The following PRKD1 variants were observed in gnomAD, a reference collection of about 807,000 sequenced individuals.
PRKD1 encodes protein kinase D1.
PRKD1 carries 63 observed loss-of-function variants against 95.9 expected under a neutral mutation model. The observed-to-expected ratio is 0.66, with a 90% CI of 0.54 to 0.81. The LOEUF (loss-of-function observed/expected upper bound fraction) is 0.81, where lower values mean the gene tolerates loss of function less well. Among genes scored for constraint, PRKD1 ranks in the 30% least tolerant of loss-of-function variants. PRKD1 has a pLI of 0.00. For missense variants in PRKD1, 1,048 were observed against 1,165.3 expected (o/e 0.90, Z 1.47); for synonymous variants, 425 against 423.1 (o/e 1.00, Z -0.05).
chr14:29,801,482 G>A (rs1021994412), intron 1 of PRKD1, among the ~76,000 whole-genome samples: 45 of 152,226 alleles, frequency 3.0e-4, no homozygotes, highest in South Asian at 2.1e-4. Context: ...TGAGGCAATC[G>A]CCTTGATCTT....
At chr14:29,717,207 G>C (rs1381443912) in intron 2 of PRKD1, among the ~76,000 whole-genome samples, 1 of 152,134 alleles carries the variant, frequency 6.6e-6, no homozygotes, top group Admixed American at 6.6e-5. Flanking sequence ...GATTGCATGT[G>C]ATATACCAGA....
chr14:29,926,126 G>C lies in PRKD1; in HGVS notation c.264+1123C>G, dbSNP rs45566240. Among the ~76,000 whole-genome samples, 873 of 152,204 alleles carry C rather than the reference G, an allele frequency of 5.7e-3. 5 individuals are homozygous for C. The highest frequency in any genetic ancestry group is 0.019 in the African/African-American group (786 of 41,532). ...TAGATCAGTGATTTTTTTCCACCTGGAGCTTTTAACATTCCTGTGCTCAGT... is the reference window on the plus strand; with the variant it reads ...TAGATCAGTGATTTTTTTCCACCTGCAGCTTTTAACATTCCTGTGCTCAGT... On this transcript the variant is annotated intron_variant, in intron 1 of 17. Coordinates refer to ENST00000331968, the MANE Select transcript of PRKD1 (RefSeq NM_002742.3).
At chr14:29,734,642 A>T (rs886454632) in intron 1 of PRKD1, among the ~76,000 whole-genome samples, 3 of 152,188 alleles carry the variant, frequency 2.0e-5, no homozygotes, top group Non-Finnish European at 1.5e-5. Flanking sequence ...AATGTCTCTC[A>T]GCCCTATGAG....
At chr14:29,725,834 T>C (rs1047609006) in intron 1 of PRKD1, among the ~76,000 whole-genome samples, 160 bp from the exon 2 acceptor site, 2 of 152,142 alleles carry the variant, frequency 1.3e-5, no homozygotes, top group Non-Finnish European at 2.9e-5. Context: ...GTAGAGTTGA[T>C]ATTGGGAAGA....
chr14:29,661,527 A>T (rs1162390199), intron 4 of PRKD1, among the ~76,000 whole-genome samples: 1 of 152,118 alleles, frequency 6.6e-6, no homozygotes, highest in Non-Finnish European at 1.5e-5. Flanking sequence ...TGAAGAAGCG[A>T]AGACATGAAA....
intron 1 of PRKD1, among the ~76,000 whole-genome samples, chr14:29,769,348 T>C (rs1039798781): frequency 6.6e-6 from 1 of 151,978 alleles, no homozygotes; most frequent in African/African-American, 2.4e-5. Flanking sequence ...GGGGGATGAC[T>C]GTTCAAGGCC....
intron 1 of PRKD1, among the ~76,000 whole-genome samples, chr14:29,736,340 C>T (rs987751880): frequency 4.6e-5 from 7 of 152,120 alleles, no homozygotes; most frequent in African/African-American, 9.7e-5. Flanking sequence ...TTAGCAAAAT[C>T]GTACTTTAAA....
intron 16 of PRKD1, among the ~76,000 whole-genome samples, chr14:29,585,390 C>A (rs1013537890): frequency 6.6e-6 from 1 of 152,136 alleles, no homozygotes; most frequent in African/African-American, 2.4e-5. Flanking sequence ...CTTTTCAGTT[C>A]TTTCCTCTGT....
At chr14:29,734,631 G>C (rs748774211) in intron 1 of PRKD1, among the ~76,000 whole-genome samples, 1 of 152,066 alleles carries the variant, frequency 6.6e-6, no homozygotes, top group African/African-American at 2.4e-5. Flanking sequence ...ATAGAAACTC[G>C]AATGTCTCTC....
intron 1 of PRKD1, among the ~76,000 whole-genome samples, chr14:29,845,819 T>C (rs1258062443): frequency 6.6e-6 from 1 of 152,156 alleles, no homozygotes; most frequent in African/African-American, 2.4e-5. Context: ...AGACTATGCA[T>C]CTATTATTAT....
At chr14:29,658,487 T>G (rs1330156033) in intron 4 of PRKD1, among the ~76,000 whole-genome samples, 1 of 152,144 alleles carries the variant, frequency 6.6e-6, no homozygotes, top group Non-Finnish European at 1.5e-5. Context: ...TTGACCAATT[T>G]TTTTTTTTCA....
intron 2 of PRKD1, among the ~76,000 whole-genome samples, chr14:29,705,262 A>C (rs1885026550): frequency 6.6e-6 from 1 of 152,114 alleles, no homozygotes. Context: ...GAACTTAAGC[A>C]ATTAAAATTA....
intron 16 of PRKD1, among the ~76,000 whole-genome samples, chr14:29,586,543 G>A (rs546051220): frequency 7.2e-5 from 11 of 152,232 alleles, no homozygotes; most frequent in African/African-American, 2.2e-4. Flanking sequence ...CAGTATGATC[G>A]TATTTCTTAT....
intron 1 of PRKD1, among the ~76,000 whole-genome samples, chr14:29,868,349 A>G (rs918300344): frequency 1.3e-5 from 2 of 152,222 alleles, no homozygotes; most frequent in Non-Finnish European, 2.9e-5. Context: ...CACTTTGCAT[A>G]GTTTAGTCCT....
intron 4 of PRKD1, chr14:29,656,387 T>C (rs1566518280): frequency 7.6e-7 from 1 of 1,311,760 alleles, no homozygotes. Flanking sequence ...ATAAAGTCAG[T>C]ACAGACAATT....
chr14:29,643,973 C>T (rs145365008), intron 4 of PRKD1, among the ~76,000 whole-genome samples: 11 of 152,274 alleles, frequency 7.2e-5, no homozygotes, highest in Middle Eastern at 3.4e-3. Flanking sequence ...TTAGCATACA[C>T]GCCAACATCT....
At chr14:29,658,570 G>C (rs1204140690) in intron 4 of PRKD1, among the ~76,000 whole-genome samples, 1 of 151,690 alleles carries the variant, frequency 6.6e-6, no homozygotes, top group Non-Finnish European at 1.5e-5. Context: ...TTTTCATCCT[G>C]TTATCAAGTT....
At chr14:29,734,028 CTTTTTTTTTTTTTTTTTTTTTT>C (rs58908662) in intron 1 of PRKD1, among the ~76,000 whole-genome samples, 1 of 64,640 alleles carries the variant, frequency 1.5e-5, no homozygotes, top group African/African-American at 7.9e-5. Context: ...ACTTTCCTGC[CTTTTTTTTTTTTTTTTTTTTTT>C]TTTTTTTTTT....
At chr14:29,876,966 A>G (rs1779428492) in intron 1 of PRKD1, among the ~76,000 whole-genome samples, 1 of 152,172 alleles carries the variant, frequency 6.6e-6, no homozygotes, top group Admixed American at 6.5e-5. Flanking sequence ...AGCCTGGCCA[A>G]CATGGTGAAA....
Sources: gnomAD v4.1 joint callset for allele counts (sites outside exome capture counted in the v4.1 genomes callset) on GRCh38, gnomAD v4.1.1 for gene constraint, MANE v1.5 for transcripts, NCBI Gene and HGNC (gene_info 2026-07-23, HGNC 2026-07-21) for gene names.